CYP4F22: variants seen among roughly 807,000 people sequenced by gnomAD.
CYP4F22 encodes ultra-long-chain fatty acid omega-hydroxylase.
In CYP4F22, 37 loss-of-function variants were observed where a neutral mutation model predicts 60.4. The observed-to-expected ratio is 0.61, with a 90% CI of 0.47 to 0.81. The LOEUF is 0.81. Among genes scored for constraint, CYP4F22 ranks in the 30% least tolerant of loss-of-function variants. The pLI, the probability that CYP4F22 is intolerant of heterozygous loss-of-function variation, is 0.00. For missense variants in CYP4F22, 655 were observed against 715.0 expected (o/e 0.92, Z 0.96); for synonymous variants, 258 against 280.5 (o/e 0.92, Z 0.80).
chr19:15,524,421 GGGA>G (rs1971257863), intron 2 of CYP4F22, among the ~76,000 whole-genome samples: 1 of 152,184 alleles, frequency 6.6e-6, no homozygotes, highest in Admixed American at 6.5e-5. Flanking sequence ...AGGCCAAGGC[GGGA>G]GGATCGCTTG....
chr19:15,545,367 G>C (rs1971509919), intron 10 of CYP4F22, among the ~76,000 whole-genome samples: 1 of 152,080 alleles, frequency 6.6e-6, no homozygotes, highest in Non-Finnish European at 1.5e-5. Context: ...ACAGCATTAG[G>C]CTGGGCGTGG....
intron 8 of CYP4F22, among the ~76,000 whole-genome samples, chr19:15,542,954 T>C (rs1031802039): frequency 1.4e-4 from 22 of 152,224 alleles, no homozygotes; most frequent in African/African-American, 4.8e-4. Flanking sequence ...CAGTCTTTCA[T>C]TGATGGGCAT....
At chr19:15,510,294 T>C (rs1971075127) in intron 1 of CYP4F22, among the ~76,000 whole-genome samples, 1 of 152,176 alleles carries the variant, frequency 6.6e-6, no homozygotes, top group African/African-American at 2.4e-5. Context: ...TCTCTCCTTG[T>C]TGATAAAACT....
At position 15,540,442 on chromosome 19, in the gene CYP4F22, C is replaced by A; in HGVS notation, c.672-8C>A. The A allele has an allele frequency of 6.2e-7, 1 of 1,614,150 alleles. No homozygotes were observed. Among genetic ancestry groups the A allele is most frequent in the South Asian group, 1.1e-5 (1 of 91,044 alleles). ...GGCTACACTCATGGATCCCCTTCTC[C>A]TTGGCAGGAAGATGAGTGATTATAT... On this transcript the variant is annotated splice_polypyrimidine_tract_variant and splice_region_variant and intron_variant, in intron 7 of 13. Coordinates refer to ENST00000269703, the MANE Select transcript of CYP4F22 (RefSeq NM_173483.4).
intron 1 of CYP4F22, among the ~76,000 whole-genome samples, chr19:15,521,655 G>C (rs1485934475): frequency 6.6e-6 from 1 of 152,026 alleles, no homozygotes; most frequent in Non-Finnish European, 1.5e-5. Context: ...ATGGATTATA[G>C]GGTAATTCTA....
chr19:15,540,615 C>T lies in CYP4F22; in HGVS notation c.837C>T (p.Ile279=), dbSNP rs138523164. The T allele has an allele frequency of 1.9e-6, 3 of 1,614,104 alleles. No individual in the cohort carries two copies. Among genetic ancestry groups the T allele is most frequent in the African/African-American group, 2.7e-5 (2 of 74,932 alleles). The change falls in exon 8 of 14, where the codon ATC becomes ATT. Residue 279 remains isoleucine (I), a synonymous_variant. Transcript: ENST00000269703. The stretch of plus-strand genomic sequence containing the variant: ...TGCACCACTTCACCACTGAAGTCAT[C>T]CAGGAACGGCGGCGGGCACTGCGTC... ...DMVHHFTTEV[I]QERRRALRQQ...
At chr19:15,510,966 A>ATATATATATATATATAT (rs34055543) in intron 1 of CYP4F22, among the ~76,000 whole-genome samples, 74 of 103,298 alleles carry the variant, frequency 7.2e-4, no homozygotes, top group African/African-American at 1.9e-3. Flanking sequence ...ATATATATAT[A>ATATATATATATATATAT]TTTTTTTTTT....
intron 1 of CYP4F22, chr19:15,515,494 G>A (rs1244804654): frequency 4.3e-6 from 3 of 698,982 alleles, no homozygotes; most frequent in South Asian, 2.7e-5. Flanking sequence ...GGAGGCCGAG[G>A]TGGATGGTTC....
chr19:15,537,892 A>G lies in CYP4F22; in HGVS notation c.570A>G (p.Ala190=). ...DIMHAKWRHL[A]EGSAVSLDMF... ...TCCAGGCTAAATGGCGGCATCTGGC[A>G]GAGGGCTCAGCGGTCTCCCTTGATA... The change falls in exon 7 of 14, where the codon GCA becomes GCG. Residue 190 remains alanine, a synonymous_variant. Transcript: ENST00000269703. The G allele has an allele frequency of 1.2e-6, 2 of 1,614,096 alleles. 1 individual carries two copies. Among genetic ancestry groups the G allele is most frequent in the South Asian group, 2.2e-5 (2 of 91,070 alleles).
intron 1 of CYP4F22, among the ~76,000 whole-genome samples, chr19:15,521,834 C>A (rs34958227): frequency 0.51 from 77,666 of 151,890 alleles, 22,400 homozygotes; most frequent in Non-Finnish European, 0.66. Context: ...CCATGCTCAG[C>A]TTGTTTAATC....
At chr19:15,550,621 G>A in intron 12 of CYP4F22, 53 bp from the exon 13 acceptor site, 1 of 1,590,194 alleles carries the variant, frequency 6.3e-7, no homozygotes, top group East Asian at 2.2e-5. Flanking sequence ...AGGGGGCCAG[G>A]CTGGGATGTC....
intron 12 of CYP4F22, among the ~76,000 whole-genome samples, chr19:15,550,142 G>A (rs1971577546): frequency 6.6e-6 from 1 of 151,982 alleles, no homozygotes. Flanking sequence ...TGTTGGCCAG[G>A]CTGGTCTTGA....
At chr19:15,530,127 G>A (rs904261840) in intron 4 of CYP4F22, among the ~76,000 whole-genome samples, 2 of 152,154 alleles carry the variant, frequency 1.3e-5, no homozygotes, top group African/African-American at 4.8e-5. Context: ...GTTCCTTATG[G>A]TTTTGTTAAG....
intron 10 of CYP4F22, among the ~76,000 whole-genome samples, chr19:15,545,687 G>GA (rs1971518142): frequency 2.7e-5 from 1 of 37,306 alleles, no homozygotes; most frequent in African/African-American, 1.3e-4. Flanking sequence ...GAAAAGAAAA[G>GA]AAAAGAAGAA....
In CYP4F22 at chr19:15,527,062, T is replaced by G. The variant is rs552577777; in HGVS notation, c.222+1504T>G. Among the ~76,000 whole-genome samples the G allele has an allele frequency of 3.3e-5, 5 of 152,286 alleles. No homozygotes were observed. The South Asian group carries it at 1.0e-3, about 32-fold the overall frequency. On this transcript the variant is annotated intron_variant, in intron 3 of 13. Coordinates refer to ENST00000269703, the MANE Select transcript of CYP4F22 (RefSeq NM_173483.4). Reference sequence around the variant, plus strand: ...CCTCTACTTTCTGGATGAGATAGGCTGGACTTTCCCTTTTGGACTTTTCTC... The same window carrying G: ...CCTCTACTTTCTGGATGAGATAGGCGGGACTTTCCCTTTTGGACTTTTCTC...
chr19:15,532,456 C>A (rs1262014569), intron 4 of CYP4F22, among the ~76,000 whole-genome samples: 1 of 151,888 alleles, frequency 6.6e-6, no homozygotes, highest in Non-Finnish European at 1.5e-5. Context: ...CTCACTGCAA[C>A]CTCTGCCTCC....
chr19:15,550,648 C>G (rs34585537), intron 12 of CYP4F22, 26 bp from the exon 13 acceptor site: 2 of 1,613,192 alleles, frequency 1.2e-6, no homozygotes, highest in Non-Finnish European at 1.7e-6. Flanking sequence ...AGCCCCCAGA[C>G]TCATCTCCAG....
At chr19:15,521,748 G>A (rs916813835) in intron 1 of CYP4F22, among the ~76,000 whole-genome samples, 4 of 152,110 alleles carry the variant, frequency 2.6e-5, no homozygotes, top group African/African-American at 9.7e-5. Flanking sequence ...ATAGCTCACT[G>A]CAGCCTCGAA....
intron 4 of CYP4F22, among the ~76,000 whole-genome samples, chr19:15,530,578 T>C (rs557911450): frequency 3.7e-4 from 57 of 152,222 alleles, no homozygotes; most frequent in South Asian, 1.0e-3. Context: ...ACTGGGTAAT[T>C]TATAAAGGAA....
Sources: gnomAD v4.1 joint callset for allele counts (sites outside exome capture counted in the v4.1 genomes callset) on GRCh38, gnomAD v4.1.1 for gene constraint, MANE v1.5 for transcripts, NCBI Gene and HGNC (gene_info 2026-07-23, HGNC 2026-07-21) for gene names.